Variants in ABLIM3 observed in about 807,000 individuals in gnomAD.
ABLIM3 encodes actin-binding LIM protein 3.
Under a neutral mutation model 109.5 loss-of-function variants are expected in ABLIM3, and 61 were observed. That is an observed-to-expected ratio of 0.56 (90% confidence interval 0.45 to 0.69). ABLIM3 has a LOEUF of 0.69. ABLIM3 is among the 30% of genes least tolerant of loss of function. The probability of loss-of-function intolerance (pLI) is 0.00; values close to 1 mark genes in which losing one functional copy is unlikely to be tolerated. For synonymous variants in ABLIM3, 300 were observed against 324.8 expected (o/e 0.92, Z 0.82); for missense variants, 796 against 889.5 (o/e 0.89, Z 1.34).
intron 18 of ABLIM3, among the ~76,000 whole-genome samples, chr5:149,248,316 G>A (rs1466557350): frequency 6.6e-6 from 1 of 152,184 alleles, no homozygotes; most frequent in African/African-American, 2.4e-5. Context: ...GGGGCACTAT[G>A]TAAGACCATG....
Position 149,155,862 on chromosome 5 carries a change from A to T in ABLIM3, c.13+13754A>T, listed in dbSNP as rs2083994513. Among the ~76,000 whole-genome samples, 4 of 152,228 alleles carry T rather than the reference A, an allele frequency of 2.6e-5. No individual in the cohort carries two copies. In the South Asian group the frequency reaches 8.3e-4, roughly 32 times the overall value. The stretch of plus-strand genomic sequence containing the variant: ...TTGAGAGGGTCAGATGCCACGCTAA[A>T]CAGTATTTGTTACAATCTACAGCCA... On this transcript the variant is annotated intron_variant, in intron 2 of 23. Coordinates refer to ENST00000309868, the MANE Select transcript of ABLIM3 (RefSeq NM_014945.5).
At chr5:149,142,149 G>A (rs769862369) in intron 2 of ABLIM3, 41 bp downstream of exon 2, 4 of 1,589,364 alleles carry the variant, frequency 2.5e-6, no homozygotes, top group Non-Finnish European at 3.5e-6. Flanking sequence ...GAACAGGGGT[G>A]GGGGCGGGAG....
chr5:149,166,735 C>T (rs1425816220), intron 2 of ABLIM3, among the ~76,000 whole-genome samples: 1 of 152,210 alleles, frequency 6.6e-6, no homozygotes, highest in Non-Finnish European at 1.5e-5. Flanking sequence ...TAAAAGTTGG[C>T]AAACTTTCTC....
rs530491803 is a variant in ABLIM3, at chr5:149,232,227, A to C, written c.817-1002A>C. ...AGGCTGAAGCAGGAGAATCACTTGAAAATGAGAGGCAGAGGTTGCAGTGAG... is the reference window on the plus strand; with the variant it reads ...AGGCTGAAGCAGGAGAATCACTTGACAATGAGAGGCAGAGGTTGCAGTGAG... On this transcript the variant is annotated intron_variant, in intron 9 of 23. Coordinates refer to ENST00000309868, the MANE Select transcript of ABLIM3 (RefSeq NM_014945.5). 2.0e-5 allele frequency among the ~76,000 whole-genome samples: 3 copies of C among 152,330 alleles called. No individual in the cohort carries two copies. The East Asian group carries it at 5.8e-4, about 29-fold the overall frequency.
At chr5:149,249,686 A>G (rs1753742634) in intron 18 of ABLIM3, 129 bp from the exon 19 acceptor site, 31 of 978,062 alleles carry the variant, frequency 3.2e-5, no homozygotes, top group Non-Finnish European at 4.6e-5. Context: ...GAGGGGCTGC[A>G]GGAGGCCCCT....
intron 2 of ABLIM3, among the ~76,000 whole-genome samples, chr5:149,175,832 C>T (rs1159326771): frequency 6.6e-6 from 1 of 152,190 alleles, no homozygotes; most frequent in Non-Finnish European, 1.5e-5. Flanking sequence ...CAGACAAGAG[C>T]AGTCTGGCTG....
At position 149,237,621 on chromosome 5, in the gene ABLIM3, T is replaced by C; in HGVS notation, c.1044+18T>C. 1.2e-6 allele frequency: 2 copies of C among 1,613,574 alleles called. No individual in the cohort carries two copies. Among genetic ancestry groups the C allele is most frequent in the Non-Finnish European group, 1.7e-6 (2 of 1,179,892 alleles). ...ATGGAGAGGTATCGCATCTTGCCCTTCTCTCTGGGGCTATTGTAGGAAAGG... is the reference window on the plus strand; with the variant it reads ...ATGGAGAGGTATCGCATCTTGCCCTCCTCTCTGGGGCTATTGTAGGAAAGG... On this transcript the variant is annotated intron_variant, in intron 11 of 23. Transcript: ENST00000309868.
At chr5:149,213,223 A>G (rs892982639) in intron 7 of ABLIM3, among the ~76,000 whole-genome samples, 1 of 152,182 alleles carries the variant, frequency 6.6e-6, no homozygotes, top group Non-Finnish European at 1.5e-5. Context: ...TAGCACCACC[A>G]GAGTCCTCAG....
intron 3 of ABLIM3, among the ~76,000 whole-genome samples, chr5:149,183,971 GT>G (rs11407929): frequency 0.048 from 6,931 of 144,638 alleles, 476 homozygotes; most frequent in African/African-American, 0.16. Context: ...TTGTTTTTTG[GT>G]TTTTTTTTTT....
intron 7 of ABLIM3, among the ~76,000 whole-genome samples, chr5:149,212,404 G>A (rs1220204643): frequency 6.6e-6 from 1 of 152,166 alleles, no homozygotes. Context: ...GCATTGTGGA[G>A]AGACTGGGAA....
chr5:149,242,556 T>C lies in ABLIM3; in HGVS notation c.1351+18T>C. 1 of 1,613,982 alleles carries C rather than the reference T, an allele frequency of 6.2e-7. No individual in the cohort carries two copies. Among genetic ancestry groups the C allele is most frequent in the South Asian group, 1.1e-5 (1 of 91,078 alleles). ...ACGGCATGGTATGGTCAGAGGTAGA[T>C]AGGGCTTGGCCACACAAGGAGAGGG... is the stretch of plus-strand genomic sequence containing the variant. On this transcript the variant is annotated intron_variant, in intron 15 of 23. Coordinates refer to ENST00000309868, the MANE Select transcript of ABLIM3 (RefSeq NM_014945.5).
At chr5:149,167,687 T>G (rs1194627078) in intron 2 of ABLIM3, among the ~76,000 whole-genome samples, 3 of 152,150 alleles carry the variant, frequency 2.0e-5, no homozygotes, top group African/African-American at 7.2e-5. Flanking sequence ...ACTAGAGAGA[T>G]AAGCTCAAGA....
At chr5:149,240,360 G>A (rs1247784626) in intron 13 of ABLIM3, 4 of 430,950 alleles carry the variant, frequency 9.3e-6, no homozygotes, top group Non-Finnish European at 1.3e-5. Context: ...GTCCAAAAGG[G>A]GGAGGTTCAA....
intron 14 of ABLIM3, among the ~76,000 whole-genome samples, chr5:149,242,072 C>G (rs1192949006): frequency 6.6e-6 from 1 of 152,142 alleles, no homozygotes; most frequent in African/African-American, 2.4e-5. Flanking sequence ...TCCTGTCTGT[C>G]TTTGAGGGAG....
intron 2 of ABLIM3, among the ~76,000 whole-genome samples, chr5:149,172,099 A>AT (rs886121648): frequency 2.0e-5 from 3 of 152,222 alleles, no homozygotes; most frequent in Non-Finnish European, 4.4e-5. Flanking sequence ...AGTTAGAAGA[A>AT]TTTTTATCAT....
Position 149,149,125 on chromosome 5 carries a change from G to A in ABLIM3, c.13+7017G>A, listed in dbSNP as rs76530684. On this transcript the variant is annotated intron_variant, in intron 2 of 23. Coordinates refer to ENST00000309868, the MANE Select transcript of ABLIM3 (RefSeq NM_014945.5). ...ACAAAGATGTCATGGGATAAGTAGA[G>A]ACCATGCTGGGACAGCAAGAACCTG... Among the ~76,000 whole-genome samples, 6 of 152,338 alleles carry A rather than the reference G, an allele frequency of 3.9e-5. No homozygotes were observed. In the South Asian group the frequency reaches 1.2e-3, roughly 32 times the overall value.
chr5:149,171,114 T>A (rs566904970), intron 2 of ABLIM3, among the ~76,000 whole-genome samples: 24 of 152,322 alleles, frequency 1.6e-4, no homozygotes, highest in African/African-American at 4.8e-4. Flanking sequence ...TATAATTTAG[T>A]CATTTAGTCA....
At chr5:149,144,279 G>A (rs913615700) in intron 2 of ABLIM3, among the ~76,000 whole-genome samples, 1 of 152,088 alleles carries the variant, frequency 6.6e-6, no homozygotes, top group African/African-American at 2.4e-5. Flanking sequence ...AGACACCTGG[G>A]GGACACAGCA....
Position 149,209,201 on chromosome 5 carries a change from A to T in ABLIM3, c.576-1525A>T, listed in dbSNP as rs144648434. 3.0e-4 allele frequency among the ~76,000 whole-genome samples: 45 copies of T among 152,304 alleles called. 1 individual carries two copies. In the East Asian group the frequency reaches 5.4e-3, roughly 18 times the overall value. On this transcript the variant is annotated intron_variant, in intron 6 of 23. Transcript: ENST00000309868. The stretch of plus-strand genomic sequence containing the variant: ...GCTTGAGTCTGGAAGCCTAAATCAG[A>T]GTTCTCTAGGGACTTAAGGGATTGT...
Sources: gnomAD v4.1 joint callset for allele counts (sites outside exome capture counted in the v4.1 genomes callset) on GRCh38, gnomAD v4.1.1 for gene constraint, MANE v1.5 for transcripts, NCBI Gene and HGNC (gene_info 2026-07-23, HGNC 2026-07-21) for gene names.